APBB2: variants seen among roughly 807,000 people sequenced by gnomAD.
The protein encoded by APBB2 is Fe65-like 1.
A neutral mutation model predicts 82.5 loss-of-function variants in APBB2; 38 were observed. The ratio of observed to expected loss-of-function variants is 0.46; its 90% CI spans 0.36 to 0.60. APBB2 has a LOEUF of 0.60. APBB2 is among the 20% of genes least tolerant of loss of function. The pLI is 0.00. For missense variants in APBB2, 772 were observed against 972.3 expected, an observed-to-expected ratio of 0.79 and a Z score of 2.74; for synonymous variants, 341 against 368.2, an observed-to-expected ratio of 0.93 and a Z score of 0.85.
chr4:40,906,464 C>CAAAAAAAAAAAAAAAAAAAAAAA (rs5857755), intron 10 of APBB2, among the ~76,000 whole-genome samples: 2 of 67,996 alleles, frequency 2.9e-5, no homozygotes, highest in African/African-American at 6.5e-5. Flanking sequence ...AAACCTGTCT[C>CAAAAAAAAAAAAAAAAAAAAAAA]AAAAAAAAAA....
intron 7 of APBB2, among the ~76,000 whole-genome samples, chr4:40,936,918 C>T (rs1424004106): frequency 6.6e-6 from 1 of 152,114 alleles, no homozygotes; most frequent in Non-Finnish European, 1.5e-5. Context: ...TGTACATTTT[C>T]CTGAGAGAAA....
intron 4 of APBB2, among the ~76,000 whole-genome samples, chr4:41,040,889 A>T (rs1307456701): frequency 2.0e-5 from 3 of 151,052 alleles, no homozygotes; most frequent in Admixed American, 2.0e-4. Context: ...TTATTTTTTT[A>T]TTTTTTTTTG....
intron 1 of APBB2, among the ~76,000 whole-genome samples, chr4:41,188,024 G>A (rs545441176): frequency 5.3e-5 from 8 of 152,260 alleles, no homozygotes; most frequent in African/African-American, 9.6e-5. Context: ...AGTTTAGACT[G>A]TATAATACAG....
chr4:40,818,399 T>C, intron 17 of APBB2, among the ~76,000 whole-genome samples: 1 of 152,232 alleles, frequency 6.6e-6, no homozygotes, highest in East Asian at 1.9e-4. Flanking sequence ...AAACCAACTG[T>C]AGCCAAAGAG....
intron 4 of APBB2, among the ~76,000 whole-genome samples, chr4:41,050,304 T>C (rs1185024478): frequency 1.3e-5 from 2 of 152,142 alleles, no homozygotes; most frequent in Admixed American, 1.3e-4. Context: ...GAGAGATGCT[T>C]AGAATTCCTT....
chr4:41,013,964 G>A lies in APBB2; in HGVS notation c.454C>T (p.Pro152Ser). Reference protein sequence around the residue: ...PQDSSSCEILPSQPRRTKSFL... With the variant: ...PQDSSSCEILSSQPRRTKSFL... Reference sequence around the variant, plus strand: ...CTCTTAGTTCTCCTGGGCTGGGAGGGTAAAATCTCACAGCTCGAGGAATCC... The same window carrying A: ...CTCTTAGTTCTCCTGGGCTGGGAGGATAAAATCTCACAGCTCGAGGAATCC... Residue 152 changes from proline to serine, a missense_variant, in exon 6 of 18, where the codon CCC becomes TCC. Coordinates refer to ENST00000508593, the MANE Select transcript of APBB2 (RefSeq NM_004307.2). 1.9e-6 allele frequency: 3 copies of A among 1,614,188 alleles called. No individual in the cohort carries two copies. The highest frequency in any genetic ancestry group is 2.2e-5 in the East Asian group (1 of 44,886).
intron 1 of APBB2, among the ~76,000 whole-genome samples, chr4:41,148,277 A>G (rs1761335806): frequency 1.3e-5 from 2 of 152,184 alleles, no homozygotes; most frequent in African/African-American, 4.8e-5. Context: ...AATGTTTTTA[A>G]AGCTGTTCTG....
At chr4:41,098,018 C>T (rs1392056603) in intron 3 of APBB2, among the ~76,000 whole-genome samples, 9 of 151,730 alleles carry the variant, frequency 5.9e-5, no homozygotes, top group South Asian at 2.1e-4. Context: ...CCCCCCTCCC[C>T]TCCCGTCCCC....
chr4:40,880,201 T>G, intron 12 of APBB2: 1 of 985,328 alleles, frequency 1.0e-6, no homozygotes, highest in Non-Finnish European at 1.2e-6. Context: ...ATGGTGAGAT[T>G]CCTACTCCAG....
chr4:41,010,898 G>A (rs953567368), intron 6 of APBB2, among the ~76,000 whole-genome samples: 2 of 152,018 alleles, frequency 1.3e-5, no homozygotes, highest in African/African-American at 4.8e-5. Flanking sequence ...GAACCCGCAC[G>A]TACCCATAAT....
At position 40,975,654 on chromosome 4, in the gene APBB2, T is replaced by TA. The variant is rs2154400539; in HGVS notation, c.836-30582dup. The stretch of plus-strand genomic sequence containing the variant: ...CCACATGCTTTATCTCATATAATCT[T>TA]AGAGTTGGCCTAGCAAGAGAACCAT... On this transcript the variant is annotated intron_variant, in intron 6 of 17. Coordinates refer to ENST00000508593, the MANE Select transcript of APBB2 (RefSeq NM_004307.2). Among the ~76,000 whole-genome samples, 2 of 152,090 alleles carry TA rather than the reference T, an allele frequency of 1.3e-5. 1 individual carries two copies. The highest frequency in any genetic ancestry group is 2.9e-5 in the Non-Finnish European group (2 of 67,974).
chr4:41,027,194 G>C (rs1034099515), intron 5 of APBB2, among the ~76,000 whole-genome samples: 5 of 151,904 alleles, frequency 3.3e-5, no homozygotes, highest in Non-Finnish European at 7.4e-5. Context: ...TGCCCTCTCA[G>C]TGATCTGGCT....
At chr4:40,854,682 G>A (rs943281388) in intron 12 of APBB2, among the ~76,000 whole-genome samples, 2 of 151,728 alleles carry the variant, frequency 1.3e-5, no homozygotes, top group South Asian at 2.1e-4. Context: ...CCAGCTACTC[G>A]GGAGGCTGAG....
At chr4:40,824,860 G>C (rs2880097) in intron 15 of APBB2, among the ~76,000 whole-genome samples, 50,695 of 151,816 alleles carry the variant, frequency 0.33, 8,733 homozygotes, top group African/African-American at 0.41. Context: ...GGGTCATTCT[G>C]CATTTTTCCC....
intron 1 of APBB2, among the ~76,000 whole-genome samples, chr4:41,179,051 T>C (rs977877397): frequency 1.3e-5 from 2 of 152,094 alleles, no homozygotes; most frequent in African/African-American, 4.8e-5. Context: ...GTGTGTTGTA[T>C]ACGTGTCACG....
intron 4 of APBB2, among the ~76,000 whole-genome samples, chr4:41,062,947 G>A (rs1361975576): frequency 6.6e-6 from 1 of 152,212 alleles, no homozygotes; most frequent in African/African-American, 2.4e-5. Context: ...GCACTCAGCT[G>A]ATGGCCAATG....
intron 1 of APBB2, among the ~76,000 whole-genome samples, chr4:41,185,846 G>A (rs1227094817): frequency 6.6e-6 from 1 of 152,190 alleles, no homozygotes; most frequent in East Asian, 1.9e-4. Context: ...TGTTGTGTGT[G>A]TTTGGTTTAG....
At chr4:40,884,624 A>AT (rs1248376839) in intron 12 of APBB2, among the ~76,000 whole-genome samples, 4 of 152,114 alleles carry the variant, frequency 2.6e-5, no homozygotes, top group Admixed American at 6.6e-5. Flanking sequence ...AAAAATAAAA[A>AT]TAAAAAAAAC....
intron 12 of APBB2, among the ~76,000 whole-genome samples, chr4:40,845,147 A>G (rs1757096157): frequency 6.6e-6 from 1 of 152,252 alleles, no homozygotes; most frequent in Non-Finnish European, 1.5e-5. Context: ...GCTTGATTTA[A>G]GTATCAAAGT....
Sources: allele counts gnomAD v4.1 joint callset (sites outside exome capture counted in the v4.1 genomes callset), GRCh38; gene constraint gnomAD v4.1.1; transcripts MANE v1.5; gene names NCBI Gene and HGNC (gene_info 2026-07-23, HGNC 2026-07-21).